The following NRXN3 variants were observed in gnomAD, a reference collection of about 807,000 sequenced individuals.
NRXN3 encodes neurexin III.
NRXN3 carries 32 observed loss-of-function variants against 137.6 expected under a neutral mutation model. The observed-to-expected ratio is 0.23, with a 90% CI of 0.18 to 0.31. The LOEUF (loss-of-function observed/expected upper bound fraction) is 0.31, where lower values mean the gene tolerates loss of function less well. NRXN3 is among the 10% of genes least tolerant of loss of function. The pLI is 1.00. For synonymous variants in NRXN3, 798 were observed against 784.5 expected (o/e 1.02, Z -0.29); for missense variants, 1,574 against 2,062.5 (o/e 0.76, Z 4.59).
intron 4 of NRXN3, among the ~76,000 whole-genome samples, chr14:78,575,514 C>A (rs1264216446): frequency 6.6e-6 from 1 of 151,950 alleles, no homozygotes; most frequent in Non-Finnish European, 1.5e-5. Flanking sequence ...TCCCAGAAGC[C>A]CATTCATGAA....
chr14:79,274,029 G>A (rs943427112), intron 15 of NRXN3, among the ~76,000 whole-genome samples: 1 of 151,434 alleles, frequency 6.6e-6, no homozygotes, highest in Non-Finnish European at 1.5e-5. Flanking sequence ...CTGGGACCCG[G>A]GAGGTGGAGG....
At chr14:79,569,603 G>A (rs1350992268) in intron 16 of NRXN3, among the ~76,000 whole-genome samples, 1 of 82,068 alleles carries the variant, frequency 1.2e-5, no homozygotes, top group Non-Finnish European at 2.6e-5. Flanking sequence ...AATGAGCAAC[G>A]TGTGTGTGTG....
intron 2 of NRXN3, among the ~76,000 whole-genome samples, chr14:78,245,135 T>C: frequency 6.6e-6 from 1 of 152,168 alleles, no homozygotes; most frequent in Admixed American, 6.5e-5. Flanking sequence ...TTCTATCCTT[T>C]TAGGATTAAG....
intron 1 of NRXN3, among the ~76,000 whole-genome samples, chr14:78,219,801 G>A (rs914175524): frequency 6.6e-6 from 1 of 152,190 alleles, no homozygotes. Flanking sequence ...ATTCTGGCTT[G>A]GAAGCAGTAC....
At position 78,574,059 on chromosome 14, in the gene NRXN3, A is replaced by C. The variant is rs1179425820; in HGVS notation, c.758-71061A>C. Among the ~76,000 whole-genome samples, 3 of 152,224 alleles carry C rather than the reference A, an allele frequency of 2.0e-5. No individual in the cohort carries two copies. In the East Asian group the frequency reaches 5.8e-4, roughly 29 times the overall value. Reference sequence around the variant, plus strand: ...TGTAGAGCTCAGGCCATTGCTTCAGAGGGTACAAGCCCCAAGCCTTGGCAG... The same window carrying C: ...TGTAGAGCTCAGGCCATTGCTTCAGCGGGTACAAGCCCCAAGCCTTGGCAG... On this transcript the variant is annotated intron_variant, in intron 4 of 20. Transcript: ENST00000335750.
chr14:78,439,783 G>A (rs1256736237), intron 4 of NRXN3, among the ~76,000 whole-genome samples: 2 of 152,192 alleles, frequency 1.3e-5, no homozygotes, highest in Non-Finnish European at 2.9e-5. Context: ...GACTGGAGCT[G>A]GGGTCTCTTA....
intron 15 of NRXN3, among the ~76,000 whole-genome samples, chr14:79,190,799 C>G (rs1274819640): frequency 1.3e-5 from 2 of 152,054 alleles, no homozygotes; most frequent in Non-Finnish European, 2.9e-5. Context: ...TCATCTTATC[C>G]TTCTACTAAG....
At chr14:79,744,888 C>T (rs369065235) in intron 19 of NRXN3, among the ~76,000 whole-genome samples, 85 of 152,044 alleles carry the variant, frequency 5.6e-4, no homozygotes, top group African/African-American at 1.9e-3. Flanking sequence ...CGGAGCAGTC[C>T]GGACATCCTC....
intron 15 of NRXN3, among the ~76,000 whole-genome samples, chr14:79,067,155 A>G (rs534315934): frequency 6.6e-6 from 1 of 152,190 alleles, no homozygotes; most frequent in South Asian, 2.1e-4. Context: ...TAGCTAGTTT[A>G]TTGAGAATTT....
At chr14:79,112,293 C>T (rs1018768561) in intron 15 of NRXN3, among the ~76,000 whole-genome samples, 5 of 152,190 alleles carry the variant, frequency 3.3e-5, no homozygotes, top group Non-Finnish European at 7.3e-5. Context: ...TTATCTTACT[C>T]GTCACCTTGC....
intron 6 of NRXN3, among the ~76,000 whole-genome samples, chr14:78,661,123 A>G (rs1255588944): frequency 6.6e-6 from 1 of 152,232 alleles, no homozygotes; most frequent in African/African-American, 2.4e-5. Context: ...CAAACAATGA[A>G]CTTATGAGTT....
At chr14:79,420,179 A>G (rs1236891019) in intron 15 of NRXN3, among the ~76,000 whole-genome samples, 1 of 152,118 alleles carries the variant, frequency 6.6e-6, no homozygotes, top group Non-Finnish European at 1.5e-5. Flanking sequence ...CTGCATTCTT[A>G]TTTGATCCTC....
intron 15 of NRXN3, among the ~76,000 whole-genome samples, chr14:79,016,036 A>G (rs7142308): frequency 0.52 from 78,433 of 152,028 alleles, 23,409 homozygotes; most frequent in East Asian, 0.82. Flanking sequence ...TTTCCAAAGC[A>G]AGTGTCTTTC....
At chr14:79,454,329 G>A (rs1041786108) in intron 15 of NRXN3, among the ~76,000 whole-genome samples, 1 of 152,030 alleles carries the variant, frequency 6.6e-6, no homozygotes, top group Non-Finnish European at 1.5e-5. Context: ...TGATCCACCT[G>A]CCTAGGCCTC....
intron 4 of NRXN3, among the ~76,000 whole-genome samples, chr14:78,502,535 C>G (rs1441776938): frequency 6.6e-6 from 1 of 152,094 alleles, no homozygotes; most frequent in Non-Finnish European, 1.5e-5. Context: ...TATGAATATT[C>G]TTTTCTGTAT....
intron 6 of NRXN3, chr14:78,698,042 C>T (rs888756114): frequency 3.9e-5 from 6 of 152,002 alleles, no homozygotes; most frequent in African/African-American, 1.2e-4. Context: ...ATCAGGAAGC[C>T]GTACAGCACT....
chr14:79,191,261 T>C (rs1322612989), intron 15 of NRXN3, among the ~76,000 whole-genome samples: 1 of 152,154 alleles, frequency 6.6e-6, no homozygotes, highest in Non-Finnish European at 1.5e-5. Flanking sequence ...AAACAAACTA[T>C]GGAAGCAGGG....
chr14:79,582,768 A>G (rs1258336199), intron 16 of NRXN3, among the ~76,000 whole-genome samples: 2 of 152,198 alleles, frequency 1.3e-5, no homozygotes, highest in African/African-American at 4.8e-5. Flanking sequence ...ATGAAGAAAT[A>G]AGTGAAAGAA....
At chr14:78,824,061 A>G (rs1041541040) in intron 10 of NRXN3, among the ~76,000 whole-genome samples, 5 of 148,910 alleles carry the variant, frequency 3.4e-5, no homozygotes, top group Non-Finnish European at 7.4e-5. Flanking sequence ...TTGTGGCCTC[A>G]GGTGATTGGC....
Sources: gnomAD v4.1 joint callset for allele counts (sites outside exome capture counted in the v4.1 genomes callset) on GRCh38, gnomAD v4.1.1 for gene constraint, MANE v1.5 for transcripts, NCBI Gene and HGNC (gene_info 2026-07-23, HGNC 2026-07-21) for gene names.